Variants in BANK1 observed in about 807,000 individuals in gnomAD.
The protein encoded by BANK1 is B cell scaffold protein with ankyrin repeats 1.
A neutral mutation model predicts 94.5 loss-of-function variants in BANK1; 95 were observed. The ratio of observed to expected loss-of-function variants is 1.00; its 90% CI spans 0.85 to 1.19. The LOEUF is 1.19. BANK1 is among the 50% of genes most tolerant of loss of function. The pLI is 0.00. For missense variants in BANK1, 987 were observed against 932.2 expected (o/e 1.06, Z -0.77); for synonymous variants, 334 against 308.4 (o/e 1.08, Z -0.87).
At chr4:101,861,553 G>C (rs1403903684) in intron 3 of BANK1, among the ~76,000 whole-genome samples, 2 of 152,086 alleles carry the variant, frequency 1.3e-5, no homozygotes, top group Non-Finnish European at 2.9e-5. Flanking sequence ...ATAAGGATTA[G>C]TGTGGATTTG....
At chr4:101,923,304 A>G (rs1723056941) in intron 7 of BANK1, among the ~76,000 whole-genome samples, 1 of 151,808 alleles carries the variant, frequency 6.6e-6, no homozygotes, top group African/African-American at 2.4e-5. Context: ...TCAAGAATAT[A>G]TATGTACATG....
intron 3 of BANK1, among the ~76,000 whole-genome samples, chr4:101,858,109 AT>A (rs1727746568): frequency 6.6e-6 from 1 of 152,126 alleles, no homozygotes; most frequent in South Asian, 2.1e-4. Context: ...GACCTGATCT[AT>A]TTTTTAGTAA....
At chr4:101,885,685 C>A (rs1353346163) in intron 5 of BANK1, among the ~76,000 whole-genome samples, 1 of 152,172 alleles carries the variant, frequency 6.6e-6, no homozygotes, top group Non-Finnish European at 1.5e-5. Flanking sequence ...CCTTTCATGA[C>A]CACGGTCAAT....
intron 2 of BANK1, among the ~76,000 whole-genome samples, chr4:101,836,377 G>A (rs1489048515): frequency 6.6e-6 from 1 of 152,134 alleles, no homozygotes; most frequent in Non-Finnish European, 1.5e-5. Context: ...TTACTCAGGA[G>A]GCTGAGGTAG....
At chr4:101,844,040 G>T (rs1354116161) in intron 2 of BANK1, among the ~76,000 whole-genome samples, 1 of 152,188 alleles carries the variant, frequency 6.6e-6, no homozygotes, top group Non-Finnish European at 1.5e-5. Context: ...AATGGTTTTA[G>T]CTAAATCAGT....
intron 10 of BANK1, 42 bp from the exon 11 acceptor site, chr4:102,043,797 A>G: frequency 7.4e-7 from 1 of 1,345,628 alleles, no homozygotes; most frequent in East Asian, 2.3e-5. Flanking sequence ...GATTTTTTGA[A>G]CGTTTATGTT....
At chr4:101,976,155 A>C (rs1725119269) in intron 7 of BANK1, among the ~76,000 whole-genome samples, 1 of 152,138 alleles carries the variant, frequency 6.6e-6, no homozygotes, top group Non-Finnish European at 1.5e-5. Flanking sequence ...CTGTGGTCAT[A>C]AGCAGTGAAT....
intron 7 of BANK1, among the ~76,000 whole-genome samples, chr4:102,009,781 A>G (rs79339294): frequency 0.036 from 5,459 of 152,240 alleles, 329 homozygotes; most frequent in African/African-American, 0.12. Flanking sequence ...TGACTGGTAA[A>G]TAGTAAATGT....
intron 10 of BANK1, among the ~76,000 whole-genome samples, chr4:102,031,507 C>T (rs1418245210): frequency 6.6e-6 from 1 of 152,058 alleles, no homozygotes; most frequent in Non-Finnish European, 1.5e-5. Flanking sequence ...ACATGAAGTC[C>T]TTGCCCATGT....
chr4:101,991,141 C>T (rs1725693344), intron 7 of BANK1, among the ~76,000 whole-genome samples: 1 of 152,202 alleles, frequency 6.6e-6, no homozygotes, highest in Non-Finnish European at 1.5e-5. Context: ...CCAAACCCCA[C>T]ACAGCTGGTG....
chr4:101,910,310 G>A (rs1722620287), intron 6 of BANK1, among the ~76,000 whole-genome samples: 1 of 152,128 alleles, frequency 6.6e-6, no homozygotes, highest in Non-Finnish European at 1.5e-5. Flanking sequence ...TCATTGTTAT[G>A]TACATAACTA....
chr4:102,010,473 G>A lies in BANK1; in HGVS notation c.1207-11041G>A, dbSNP rs941533220. Among the ~76,000 whole-genome samples the A allele has an allele frequency of 3.4e-5, 5 of 148,388 alleles. No homozygotes were observed. The South Asian group carries it at 8.5e-4, about 25-fold the overall frequency. On this transcript the variant is annotated intron_variant, in intron 7 of 16. Coordinates refer to ENST00000322953, the MANE Select transcript of BANK1 (RefSeq NM_017935.5). Reference sequence around the variant, plus strand: ...AATGGCGCCATCTGGGCTCACTGCAGCTTCCGCCTCCCGGGTTCCAGCAAC... The same window carrying A: ...AATGGCGCCATCTGGGCTCACTGCAACTTCCGCCTCCCGGGTTCCAGCAAC...
At chr4:101,859,063 C>T (rs1435449554) in intron 3 of BANK1, among the ~76,000 whole-genome samples, 3 of 152,148 alleles carry the variant, frequency 2.0e-5, no homozygotes, top group Non-Finnish European at 1.5e-5. Flanking sequence ...AAACAGTGTA[C>T]AAAAGCTAAC....
intron 7 of BANK1, among the ~76,000 whole-genome samples, chr4:101,948,536 T>A (rs1427363740): frequency 6.6e-6 from 1 of 152,146 alleles, no homozygotes; most frequent in African/African-American, 2.4e-5. Flanking sequence ...GCAATAATTT[T>A]AGGAAACTCA....
chr4:101,922,929 T>G (rs1378535141), intron 7 of BANK1, among the ~76,000 whole-genome samples: 1 of 151,894 alleles, frequency 6.6e-6, no homozygotes, highest in Non-Finnish European at 1.5e-5. Flanking sequence ...ATGCCCTAAC[T>G]CTGCAGCTCT....
intron 1 of BANK1, among the ~76,000 whole-genome samples, chr4:101,826,698 T>A (rs1726379570): frequency 1.3e-5 from 2 of 152,036 alleles, no homozygotes; most frequent in African/African-American, 4.8e-5. Context: ...ATAACAGAAC[T>A]ATATTGATGA....
At chr4:101,811,899 A>C (rs1296732890) in intron 1 of BANK1, among the ~76,000 whole-genome samples, 1 of 152,014 alleles carries the variant, frequency 6.6e-6, no homozygotes, top group Non-Finnish European at 1.5e-5. Context: ...TCCTTTTTAT[A>C]ATATGCAAGT....
rs137860402 is a variant in BANK1 at position 101,846,716 on chromosome 4, A to G, written c.470-8319A>G. Among the ~76,000 whole-genome samples, 8 of 152,300 alleles carry G rather than the reference A, an allele frequency of 5.3e-5. No homozygotes were observed. In the East Asian group the frequency reaches 5.8e-4, roughly 11 times the overall value. On this transcript the variant is annotated intron_variant, in intron 2 of 16. Transcript: ENST00000322953. ...CAGATCTTGTGAGAACTGACTCACT[A>G]TCATGAGAACAGCATGGGGGAAACC...
rs971696084 is a variant in BANK1, at chr4:101,960,026, C to T, written c.1206+41837C>T. On this transcript the variant is annotated intron_variant, in intron 7 of 16. Coordinates refer to ENST00000322953, the MANE Select transcript of BANK1 (RefSeq NM_017935.5). ...AAGGGACTTGAGAAATGGGTGGGTGCACTCCTTCACTTTATGGAAGAAAAC... is the reference window on the plus strand; with the variant it reads ...AAGGGACTTGAGAAATGGGTGGGTGTACTCCTTCACTTTATGGAAGAAAAC... 4.6e-5 allele frequency among the ~76,000 whole-genome samples: 7 copies of T among 152,240 alleles called. No homozygotes were observed. The East Asian group carries it at 9.6e-4, about 21-fold the overall frequency.
Sources: allele counts gnomAD v4.1 joint callset (sites outside exome capture counted in the v4.1 genomes callset), GRCh38; gene constraint gnomAD v4.1.1; transcripts MANE v1.5; gene names NCBI Gene and HGNC (gene_info 2026-07-23, HGNC 2026-07-21).